ADAMTSL3: variants seen among roughly 807,000 people sequenced by gnomAD.
ADAMTSL3 encodes ADAMTS like 3.
ADAMTSL3 carries 128 observed loss-of-function variants against 201.7 expected under a neutral mutation model. The observed-to-expected ratio is 0.63, with a 90% CI of 0.55 to 0.73. The LOEUF is 0.73. Among genes scored for constraint, ADAMTSL3 ranks in the 30% least tolerant of loss-of-function variants. The pLI is 0.00. For synonymous variants in ADAMTSL3, 738 were observed against 748.4 expected (o/e 0.99, Z 0.23); for missense variants, 1,990 against 2,119.6 (o/e 0.94, Z 1.20).
intron 10 of ADAMTSL3, among the ~76,000 whole-genome samples, chr15:83,885,742 T>C (rs2065375545): frequency 6.6e-6 from 1 of 152,242 alleles, no homozygotes; most frequent in South Asian, 2.1e-4. Flanking sequence ...AGGTCTTTTT[T>C]TTTTTTGAGT....
At chr15:83,685,995 C>T (rs530545593) in intron 2 of ADAMTSL3, among the ~76,000 whole-genome samples, 1 of 100,094 alleles carries the variant, frequency 1.0e-5, no homozygotes, top group Admixed American at 1.1e-4. Flanking sequence ...TTGCTGGCAG[C>T]TAGCTCGTCC....
chr15:83,946,727 G>A (rs2142048286), intron 19 of ADAMTSL3, among the ~76,000 whole-genome samples: 1 of 152,298 alleles, frequency 6.6e-6, no homozygotes, highest in East Asian at 1.9e-4. Flanking sequence ...TTTTTGTTGA[G>A]ACAAAGAAGA....
rs952208667 is a variant in ADAMTSL3, at chr15:84,037,728, T to C, written c.4998T>C (p.Cys1666=). ...DRDCTDTTHY[C]MFVKHLNLCS... ...ACTGCACAGACACAACTCACTACTGTATGTTTGTAAAACATCTTAATTTGT... is the reference window on the plus strand; with the variant it reads ...ACTGCACAGACACAACTCACTACTGCATGTTTGTAAAACATCTTAATTTGT... Residue 1666 remains cysteine (C), a synonymous_variant, in exon 30 of 30, where the codon TGT becomes TGC. Transcript: ENST00000286744. 6.2e-6 allele frequency: 10 copies of C among 1,613,088 alleles called. No homozygotes were observed. Among genetic ancestry groups the C allele is most frequent in the Non-Finnish European group, 8.5e-6 (10 of 1,179,622 alleles).
intron 17 of ADAMTSL3, among the ~76,000 whole-genome samples, chr15:83,937,605 C>T (rs1344376505): frequency 1.3e-5 from 2 of 150,808 alleles, no homozygotes; most frequent in East Asian, 3.9e-4. Flanking sequence ...CACCAAATGC[C>T]CATGACATGC....
intron 3 of ADAMTSL3, among the ~76,000 whole-genome samples, chr15:83,753,816 C>G (rs1276151724): frequency 6.6e-6 from 1 of 152,022 alleles, no homozygotes; most frequent in Non-Finnish European, 1.5e-5. Context: ...CTATAGGAAC[C>G]TGCTTGGAAG....
At chr15:83,929,247 A>C (rs2066304703) in intron 17 of ADAMTSL3, among the ~76,000 whole-genome samples, 1 of 152,216 alleles carries the variant, frequency 6.6e-6, no homozygotes, top group Non-Finnish European at 1.5e-5. Flanking sequence ...AGAGTGGCTT[A>C]AAGAACAGAA....
chr15:83,954,628 C>T (rs917904482), intron 19 of ADAMTSL3, among the ~76,000 whole-genome samples: 2 of 152,160 alleles, frequency 1.3e-5, no homozygotes, highest in Non-Finnish European at 1.5e-5. Context: ...ACAATCTGGG[C>T]TTTACAGTCT....
intron 4 of ADAMTSL3, among the ~76,000 whole-genome samples, chr15:83,783,678 G>T (rs1438430892): frequency 6.6e-6 from 1 of 151,844 alleles, no homozygotes; most frequent in Non-Finnish European, 1.5e-5. Context: ...ATTAAAACAT[G>T]GGGATACATC....
At chr15:83,759,795 A>G (rs1198297455) in intron 3 of ADAMTSL3, among the ~76,000 whole-genome samples, 3 of 152,160 alleles carry the variant, frequency 2.0e-5, no homozygotes, top group Non-Finnish European at 4.4e-5. Context: ...CTTGGCCTAC[A>G]TCTAAATTTT....
intron 23 of ADAMTSL3, among the ~76,000 whole-genome samples, chr15:84,011,049 A>G (rs2067998491): frequency 6.6e-6 from 1 of 152,228 alleles, no homozygotes; most frequent in Non-Finnish European, 1.5e-5. Flanking sequence ...TGAGGAACTT[A>G]GTTTACCATT....
intron 3 of ADAMTSL3, among the ~76,000 whole-genome samples, chr15:83,756,044 A>T (rs1313190982): frequency 6.6e-6 from 1 of 152,178 alleles, no homozygotes; most frequent in Non-Finnish European, 1.5e-5. Context: ...TACAGGCATG[A>T]GCCACTGCAT....
chr15:83,659,247 G>A (rs1312908101), intron 2 of ADAMTSL3, among the ~76,000 whole-genome samples: 1 of 152,218 alleles, frequency 6.6e-6, no homozygotes, highest in Non-Finnish European at 1.5e-5. Flanking sequence ...AAAGGCAGGA[G>A]ACATTTGGAT....
At chr15:83,875,513 G>A (rs777219354) in intron 9 of ADAMTSL3, among the ~76,000 whole-genome samples, 5 of 152,120 alleles carry the variant, frequency 3.3e-5, no homozygotes, top group African/African-American at 1.2e-4. Context: ...CAGGATGTGC[G>A]GTGGCTCACG....
intron 4 of ADAMTSL3, among the ~76,000 whole-genome samples, chr15:83,796,328 T>A (rs75805946): frequency 0.039 from 5,906 of 152,270 alleles, 161 homozygotes; most frequent in Non-Finnish European, 0.059. Context: ...AATAATTCAG[T>A]AAAGATTGCT....
intron 2 of ADAMTSL3, among the ~76,000 whole-genome samples, chr15:83,662,933 G>T (rs1367447281): frequency 3.3e-5 from 5 of 152,178 alleles, no homozygotes; most frequent in East Asian, 1.9e-4. Context: ...CCTCTGGGTA[G>T]CAGATGTGAG....
chr15:83,765,298 C>G (rs1357374720), intron 3 of ADAMTSL3, among the ~76,000 whole-genome samples: 1 of 152,170 alleles, frequency 6.6e-6, no homozygotes, highest in Non-Finnish European at 1.5e-5. Flanking sequence ...AATGTATTTA[C>G]TGTTAACTAA....
chr15:83,809,424 C>T (rs919980548), intron 5 of ADAMTSL3, among the ~76,000 whole-genome samples: 1 of 152,154 alleles, frequency 6.6e-6, no homozygotes, highest in Non-Finnish European at 1.5e-5. Context: ...AATCACAGCC[C>T]ACCTGCACCA....
chr15:83,886,398 G>A (rs573022387), intron 10 of ADAMTSL3, among the ~76,000 whole-genome samples: 8 of 152,144 alleles, frequency 5.3e-5, no homozygotes, highest in Non-Finnish European at 1.0e-4. Context: ...AAAACCCTAA[G>A]GAAGGTCTCT....
chr15:83,950,636 C>T (rs181810847), intron 19 of ADAMTSL3, among the ~76,000 whole-genome samples: 1 of 152,164 alleles, frequency 6.6e-6, no homozygotes, highest in Admixed American at 6.5e-5. Context: ...AACCCATGAA[C>T]ATGGAATATC....
Sources: gnomAD v4.1 joint callset for allele counts (sites outside exome capture counted in the v4.1 genomes callset) on GRCh38, gnomAD v4.1.1 for gene constraint, MANE v1.5 for transcripts, NCBI Gene and HGNC (gene_info 2026-07-23, HGNC 2026-07-21) for gene names.